LRBA: variants seen among roughly 807,000 people sequenced by gnomAD.
LRBA encodes lipopolysaccharide-responsive and beige-like anchor protein.
A neutral mutation model predicts 330.0 loss-of-function variants in LRBA; 176 were observed. That is an observed-to-expected ratio of 0.53 (90% CI 0.47 to 0.60). The LOEUF (loss-of-function observed/expected upper bound fraction) is 0.60. LRBA is among the 20% of genes least tolerant of loss of function. The pLI is 0.00. For synonymous variants in LRBA, 1,230 were observed against 1,193.0 expected, an observed-to-expected ratio of 1.03 and a Z score of -0.64; for missense variants, 3,259 against 3,444.8, an observed-to-expected ratio of 0.95 and a Z score of 1.35.
rs1762874038 is a variant in LRBA, at chr4:150,521,076, TTC to T, written c.6331-30043_6331-30042del. On this transcript the variant is annotated intron_variant, in intron 40 of 56. Coordinates refer to ENST00000651943, the MANE Select transcript of LRBA (RefSeq NM_001364905.1). ...TTTCATGGCTATAACATGTATAATGTTCTTTTATTCCAATATTGGTAGTTCAT... is the reference window on the plus strand; with the variant it reads ...TTTCATGGCTATAACATGTATAATGTTTTTATTCCAATATTGGTAGTTCAT... Among the ~76,000 whole-genome samples, 7 of 152,280 alleles carry T rather than the reference TTC, an allele frequency of 4.6e-5. No individual in the cohort carries two copies. In the South Asian group the frequency reaches 1.4e-3, roughly 32 times the overall value.
rs532787976 is a variant in LRBA at position 150,535,887 on chromosome 4, A to T, written c.6331-44852T>A. ...TAGTTAAGAACAGAACTTCGACATG[A>T]CTAATGGGGGTCAGCAGATATTACG... On this transcript the variant is annotated intron_variant, in intron 40 of 56. Transcript: ENST00000651943. 3.3e-5 allele frequency among the ~76,000 whole-genome samples: 5 copies of T among 152,270 alleles called. No homozygotes were observed. In the East Asian group the frequency reaches 7.7e-4, roughly 24 times the overall value.
intron 38 of LRBA, among the ~76,000 whole-genome samples, chr4:150,596,496 T>C (rs1194073800): frequency 6.6e-6 from 1 of 151,936 alleles, no homozygotes; most frequent in East Asian, 1.9e-4. Flanking sequence ...AAATAAATTA[T>C]AAATAAAAGT....
At chr4:150,790,998 C>T (rs923643371) in intron 34 of LRBA, among the ~76,000 whole-genome samples, 7 of 152,046 alleles carry the variant, frequency 4.6e-5, no homozygotes, top group African/African-American at 1.4e-4. Flanking sequence ...TTTATAAGTA[C>T]GTTCTAAGGA....
At chr4:150,719,039 T>C (rs1728592426) in intron 36 of LRBA, among the ~76,000 whole-genome samples, 2 of 152,086 alleles carry the variant, frequency 1.3e-5, no homozygotes, top group African/African-American at 2.4e-5. Flanking sequence ...TTGCTACTTA[T>C]ATATACCTCT....
At chr4:150,894,570 T>C (rs1334187755) in intron 16 of LRBA, among the ~76,000 whole-genome samples, 1 of 152,218 alleles carries the variant, frequency 6.6e-6, no homozygotes, top group Admixed American at 6.5e-5. Flanking sequence ...GGCAAACAGC[T>C]AACAGAGTTT....
At chr4:150,585,366 A>G (rs1426751967) in intron 40 of LRBA, among the ~76,000 whole-genome samples, 2 of 152,224 alleles carry the variant, frequency 1.3e-5, no homozygotes, top group African/African-American at 4.8e-5. Flanking sequence ...GAAACTGCTT[A>G]TATGCAATTC....
At chr4:151,014,349 C>G (rs1174452905) in intron 2 of LRBA, 78 bp downstream of exon 2, 5 of 1,219,074 alleles carry the variant, frequency 4.1e-6, no homozygotes, top group Non-Finnish European at 5.9e-6. Flanking sequence ...GTGAGTAAAC[C>G]ACATGGCTCC....
At chr4:150,946,499 A>G (rs943278320) in intron 2 of LRBA, among the ~76,000 whole-genome samples, 2 of 152,176 alleles carry the variant, frequency 1.3e-5, no homozygotes, top group African/African-American at 4.8e-5. Flanking sequence ...ACACTTGGAA[A>G]CTATTACACT....
intron 36 of LRBA, among the ~76,000 whole-genome samples, chr4:150,707,675 G>A (rs1785764987): frequency 6.6e-6 from 1 of 151,728 alleles, no homozygotes; most frequent in African/African-American, 2.4e-5. Context: ...ACACTGAACA[G>A]TGGAAGGGGG....
chr4:150,678,231 ACT>A (rs1183036342), intron 37 of LRBA, among the ~76,000 whole-genome samples: 2 of 149,880 alleles, frequency 1.3e-5, no homozygotes, highest in African/African-American at 2.5e-5. Context: ...ACAGAGTGAG[ACT>A]CTGTCTCCAA....
intron 40 of LRBA, among the ~76,000 whole-genome samples, chr4:150,524,968 C>G (rs1763300121): frequency 6.6e-6 from 1 of 152,028 alleles, no homozygotes; most frequent in Non-Finnish European, 1.5e-5. Context: ...AACAATAATT[C>G]AAAATTTCTA....
chr4:150,805,828 G>A lies in LRBA; in HGVS notation c.5518+443C>T, dbSNP rs565683740. Among the ~76,000 whole-genome samples, 3 of 152,084 alleles carry A rather than the reference G, an allele frequency of 2.0e-5. No homozygotes were observed. In the South Asian group the frequency reaches 6.2e-4, roughly 32 times the overall value. ...AGTACACTACCTAGAAGAGACCCAG[G>A]AATCTATGAATGACGTAAGCAGTAT... On this transcript the variant is annotated intron_variant, in intron 33 of 56. Coordinates refer to ENST00000651943, the MANE Select transcript of LRBA (RefSeq NM_001364905.1).
intron 36 of LRBA, among the ~76,000 whole-genome samples, chr4:150,707,277 ATACT>A (rs945413355): frequency 1.3e-5 from 2 of 151,726 alleles, no homozygotes; most frequent in Non-Finnish European, 3.0e-5. Context: ...AAAATTTTAA[ATACT>A]TAATATCTTC....
intron 44 of LRBA, among the ~76,000 whole-genome samples, chr4:150,449,005 CA>C (rs1397695597): frequency 8.6e-5 from 13 of 151,994 alleles, no homozygotes; most frequent in Middle Eastern, 3.4e-3. Context: ...GGTAGAAGAC[CA>C]GGGGGTAGCT....
intron 40 of LRBA, among the ~76,000 whole-genome samples, chr4:150,492,279 A>G (rs1759058045): frequency 1.3e-5 from 2 of 152,136 alleles, no homozygotes; most frequent in African/African-American, 2.4e-5. Flanking sequence ...ATCTAGAAAT[A>G]GAATGGGTAT....
intron 40 of LRBA, among the ~76,000 whole-genome samples, chr4:150,559,937 TATCTATATAA>T (rs1768091940): frequency 9.2e-6 from 1 of 108,510 alleles, no homozygotes; most frequent in Admixed American, 1.5e-4. Context: ...AATATATATA[TATCTATATAA>T]ATATATATAT....
At chr4:150,497,824 T>A (rs187967670) in intron 40 of LRBA, among the ~76,000 whole-genome samples, 1 of 152,288 alleles carries the variant, frequency 6.6e-6, no homozygotes, top group African/African-American at 2.4e-5. Context: ...TTCCAATTAC[T>A]GAGGGAGATG....
In LRBA at chr4:150,265,692, A is replaced by AG; in HGVS notation, c.*29dup. ...TGCTCCAGGTACTTCTGCTCATCCT[A>AG]GGGGCAGAGTTGATGTACAGCTGTC... On this transcript the variant is annotated 3_prime_UTR_variant, in exon 57 of 57. Coordinates refer to ENST00000651943, the MANE Select transcript of LRBA (RefSeq NM_001364905.1). 1 of 1,411,980 alleles carries AG rather than the reference A, an allele frequency of 7.1e-7. No individual in the cohort carries two copies. Among genetic ancestry groups the AG allele is most frequent in the Non-Finnish European group, 1.0e-6 (1 of 995,620 alleles). 87.5% of individuals were successfully genotyped at this position (1,411,980 alleles called of 1,614,324 possible). A position where few individuals can be genotyped will look rare whatever the true frequency, so the allele number is the denominator to read the frequency against.
Position 150,674,408 on chromosome 4 carries a change from G to A in LRBA, c.5921+9143C>T, listed in dbSNP as rs558346791. Among the ~76,000 whole-genome samples the A allele has an allele frequency of 2.5e-3, 382 of 150,814 alleles. 1 individual carries two copies. Among genetic ancestry groups the A allele is most frequent in the African/African-American group, 8.9e-3 (366 of 41,164 alleles). On this transcript the variant is annotated intron_variant, in intron 37 of 56. Coordinates refer to ENST00000651943, the MANE Select transcript of LRBA (RefSeq NM_001364905.1). ...AACAGTAAAGTCTAAAAAAAAAAAA[G>A]CTTTATTACTTGAAAAACCAAGAAT...
Sources: allele counts gnomAD v4.1 joint callset (sites outside exome capture counted in the v4.1 genomes callset), GRCh38; gene constraint gnomAD v4.1.1; transcripts MANE v1.5; gene names NCBI Gene and HGNC (gene_info 2026-07-23, HGNC 2026-07-21).